Variants in TNFRSF14 observed in about 807,000 individuals in gnomAD.
The protein encoded by TNFRSF14 is tumor necrosis factor receptor superfamily member 14.
A neutral mutation model predicts 34.1 loss-of-function variants in TNFRSF14; 18 were observed. The observed-to-expected ratio is 0.53, with a 90% CI of 0.36 to 0.78. The LOEUF (loss-of-function observed/expected upper bound fraction) is 0.78, where lower values mean the gene tolerates loss of function less well. TNFRSF14 is among the 30% of genes least tolerant of loss of function. The probability of loss-of-function intolerance (pLI) is 0.00; values close to 1 mark genes in which losing one functional copy is unlikely to be tolerated. For synonymous variants in TNFRSF14, 157 were observed against 153.2 expected, an observed-to-expected ratio of 1.02 and a Z score of -0.18; for missense variants, 352 against 379.5, an observed-to-expected ratio of 0.93 and a Z score of 0.60.
intron 3 of TNFRSF14, chr1:2,558,874 C>T (rs1644260608): frequency 6.0e-6 from 8 of 1,334,780 alleles, no homozygotes; most frequent in East Asian, 3.5e-5. Context: ...GTCCCTTTCT[C>T]CTCCAGATAT....
chr1:2,562,941 C>T, intron 7 of TNFRSF14, 45 bp downstream of exon 7: 1 of 1,565,556 alleles, frequency 6.4e-7, no homozygotes, highest in Non-Finnish European at 8.8e-7. Flanking sequence ...CACCTTCCCA[C>T]CTCCCCTCTC....
intron 4 of TNFRSF14, 131 bp downstream of exon 4, chr1:2,560,109 C>T: frequency 7.6e-7 from 1 of 1,312,584 alleles, no homozygotes; most frequent in East Asian, 2.5e-5. Context: ...TTGGCCAGCC[C>T]CAGGCCCACC....
chr1:2,561,271 C>T lies in TNFRSF14; in HGVS notation c.552-402C>T, dbSNP rs2100858194. The T allele has an allele frequency of 1.9e-6, 1 of 519,576 alleles. No individual in the cohort carries two copies. The highest frequency in any genetic ancestry group is 1.9e-5 in the African/African-American group (1 of 52,566). The allele number at this position is 519,576 out of a possible 1,614,324, so 32.2% of individuals were successfully genotyped here. ...CTGCTCTGCCCTCCTCGTCCTCTGG[C>T]CCCAGCTCAGTCCTGTCCATCTCCA... On this transcript the variant is annotated intron_variant, in intron 5 of 7. Coordinates refer to ENST00000355716, the MANE Select transcript of TNFRSF14 (RefSeq NM_003820.4). This position sits in a 1 kb window ranked among gnomAD's most constrained non-coding sequence, Gnocchi z 6.0.
chr1:2,561,635 C>T lies in TNFRSF14; in HGVS notation c.552-38C>T, dbSNP rs1644309931. 2.5e-6 allele frequency: 4 copies of T among 1,610,872 alleles called. No homozygotes were observed. Among genetic ancestry groups the T allele is most frequent in the Non-Finnish European group, 3.4e-6 (4 of 1,178,900 alleles). ...GAGGCTGAGTGAACACTGGGCGCTG[C>T]ACCTGCCTCTCCCACGTCCTCGGCC... On this transcript the variant is annotated intron_variant, in intron 5 of 7. Coordinates refer to ENST00000355716, the MANE Select transcript of TNFRSF14 (RefSeq NM_003820.4). This position sits in a 1 kb window ranked among gnomAD's most constrained non-coding sequence, Gnocchi z 6.0.
At position 2,556,627 on chromosome 1, in the gene TNFRSF14, C is replaced by T. The variant is rs1352648954; in HGVS notation, c.-38C>T. ...AGTTCCTCTGCTGGAGTTCATCCTGCTAGCTGGGTTCCCGAGCTGCCGGTC... is the reference window on the plus strand; with the variant it reads ...AGTTCCTCTGCTGGAGTTCATCCTGTTAGCTGGGTTCCCGAGCTGCCGGTC... On this transcript the variant is annotated 5_prime_UTR_variant, in exon 1 of 8. Coordinates refer to ENST00000355716, the MANE Select transcript of TNFRSF14 (RefSeq NM_003820.4). 27 of 1,595,854 alleles carry T rather than the reference C, an allele frequency of 1.7e-5. No individual in the cohort carries two copies. In the South Asian group the frequency reaches 2.9e-4, roughly 17 times the overall value.
chr1:2,562,841 G>A, intron 6 of TNFRSF14, 24 bp from the exon 7 acceptor site: 1 of 1,613,968 alleles, frequency 6.2e-7, no homozygotes, highest in South Asian at 1.1e-5. Context: ...GCCCCTCCCT[G>A]ACCTGTGTGT....
In TNFRSF14 at chr1:2,559,934, G is replaced by A. The variant is rs766903122; in HGVS notation, c.416G>A (p.Arg139His). 3.8e-5 allele frequency: 61 copies of A among 1,597,378 alleles called. 1 individual carries two copies. The highest frequency in any genetic ancestry group is 1.7e-4 in the Middle Eastern group (1 of 6,060). The stretch of plus-strand genomic sequence containing the variant: ...GACGGGGACCACTGCGCCGCGTGCC[G>A]CGCTTACGCCACCTCCAGCCCGGGC... ...VQDGDHCAAC[R>H]AYATSSPGQR... is the part of the protein sequence containing the mutation. The change falls in exon 4 of 8, where the codon CGC (arginine) becomes CAC (histidine). Residue 139 changes from arginine (R) to histidine (H), a missense_variant. Arg to His is a conservative substitution (Grantham distance 29). Transcript: ENST00000355716.
intron 2 of TNFRSF14, 80 bp downstream of exon 2, chr1:2,557,914 T>C: frequency 8.4e-7 from 1 of 1,192,256 alleles, no homozygotes; most frequent in Non-Finnish European, 1.2e-6. Flanking sequence ...GACACCCCTG[T>C]GTTCTCTGCC....
At chr1:2,557,672 C>A in intron 1 of TNFRSF14, 54 bp from the exon 2 acceptor site, 3 of 1,377,342 alleles carry the variant, frequency 2.2e-6, no homozygotes, top group Admixed American at 2.3e-5. Flanking sequence ...CCAAGCCTGG[C>A]AGAGCCCACA....
chr1:2,556,610 T>C lies in TNFRSF14; in HGVS notation c.-55T>C, dbSNP rs1196415831. 4 of 1,547,654 alleles carry C rather than the reference T, an allele frequency of 2.6e-6. No individual in the cohort carries two copies. In the East Asian group the frequency reaches 9.2e-5, roughly 36 times the overall value. On this transcript the variant is annotated 5_prime_UTR_variant, in exon 1 of 8. Coordinates refer to ENST00000355716, the MANE Select transcript of TNFRSF14 (RefSeq NM_003820.4). ...CCGCAGCAATGGCGCTGAGTTCCTCTGCTGGAGTTCATCCTGCTAGCTGGG... is the reference window on the plus strand; with the variant it reads ...CCGCAGCAATGGCGCTGAGTTCCTCCGCTGGAGTTCATCCTGCTAGCTGGG...
chr1:2,556,190 G>A, upstream of TNFRSF14: 1 of 419,312 alleles, frequency 2.4e-6, no homozygotes, highest in South Asian at 2.0e-5. Context: ...AACCCACAGG[G>A]CCCCTTTATT....
intron 2 of TNFRSF14, 149 bp from the exon 3 acceptor site, chr1:2,558,194 G>A (rs1348365067): frequency 8.3e-7 from 1 of 1,211,082 alleles, no homozygotes; most frequent in African/African-American, 1.6e-5. Context: ...ATGGCTGATG[G>A]GGCTGCTGTG....
At position 2,561,720 on chromosome 1, in the gene TNFRSF14, A is replaced by C. The variant is rs2100860183; in HGVS notation, c.599A>C (p.His200Pro). The part of the protein sequence containing the change: ...TKAGAGTSSS[H>P]WVWWFLSGSL... ...GCCGGAGCTGGGACCAGCAGCTCCCACTGGGTATGGTGGTTTCTCTCAGGG... is the reference window on the plus strand; with the variant it reads ...GCCGGAGCTGGGACCAGCAGCTCCCCCTGGGTATGGTGGTTTCTCTCAGGG... The change falls in exon 6 of 8, where the codon CAC becomes CCC. Residue 200 changes from histidine (H) to proline (P), a missense_variant. Physicochemically the swap from His to Pro is moderately conservative, Grantham distance 77. Coordinates refer to ENST00000355716, the MANE Select transcript of TNFRSF14 (RefSeq NM_003820.4). This position sits in a 1 kb window ranked among gnomAD's most constrained non-coding sequence, Gnocchi z 6.0. 6.2e-7 allele frequency: 1 copy of C among 1,613,460 alleles called. No homozygotes were observed. The highest frequency in any genetic ancestry group is 8.5e-7 in the Non-Finnish European group (1 of 1,179,956).
In TNFRSF14 at chr1:2,557,737, C is replaced by T. The variant is rs766979470; in HGVS notation, c.81C>T (p.Leu27=). 6.2e-7 allele frequency: 1 copy of T among 1,608,598 alleles called. No homozygotes were observed. The highest frequency in any genetic ancestry group is 8.5e-7 in the Non-Finnish European group (1 of 1,177,450). The stretch of plus-strand genomic sequence containing the variant: ...CCTGACCCCCTTAGGTGCTGTATCT[C>T]ACCTTCCTGGGAGCCCCCTGCTACG... The part of the protein sequence containing the change: ...KTDVLRLVLY[L]TFLGAPCYAP... The change falls in exon 2 of 8, where the codon CTC becomes CTT. Residue 27 remains leucine (L), a synonymous_variant. Coordinates refer to ENST00000355716, the MANE Select transcript of TNFRSF14 (RefSeq NM_003820.4).
Position 2,556,695 on chromosome 1 carries a change from C to T in TNFRSF14, c.31C>T (p.Pro11Ser), listed in dbSNP as rs375570144. Residue 11 changes from proline (P) to serine (S), a missense_variant, in exon 1 of 8, where the codon CCC (proline) becomes TCC (serine). Coordinates refer to ENST00000355716, the MANE Select transcript of TNFRSF14 (RefSeq NM_003820.4). ...GCCTCCTGGAGACTGGGGGCCTCCT[C>T]CCTGGAGATCCACCCCCAAAACCGA... is the stretch of plus-strand genomic sequence containing the variant. MEPPGDWGPP[P>S]WRSTPKTDVL... 3.1e-6 allele frequency: 5 copies of T among 1,608,638 alleles called. No homozygotes were observed. The East Asian group carries it at 6.7e-5, about 22-fold the overall frequency.
At chr1:2,557,922 G>T in intron 2 of TNFRSF14, 88 bp downstream of exon 2, 1 of 1,105,274 alleles carries the variant, frequency 9.0e-7, no homozygotes, top group South Asian at 1.6e-5. Context: ...TGTGTTCTCT[G>T]CCCCCACAGC....
rs1477853260 is a variant in TNFRSF14 at position 2,559,889 on chromosome 1, G to A, written c.371G>A (p.Gly124Asp). The A allele has an allele frequency of 1.2e-6, 2 of 1,604,548 alleles. No homozygotes were observed. Among genetic ancestry groups the A allele is most frequent in the Admixed American group, 1.7e-5 (1 of 59,060 alleles). Residue 124 changes from glycine (G) to aspartate (D), a missense_variant, in exon 4 of 8, where the codon GGC (glycine) becomes GAC (aspartate). Coordinates refer to ENST00000355716, the MANE Select transcript of TNFRSF14 (RefSeq NM_003820.4). The stretch of plus-strand genomic sequence containing the variant: ...AACGCCGTGTGTGGCTGCAGCCCAG[G>A]CCACTTCTGCATCGTCCAGGACGGG... ...TENAVCGCSPGHFCIVQDGDH... is the reference protein window; with the variant it reads ...TENAVCGCSPDHFCIVQDGDH...
At position 2,562,834 on chromosome 1, in the gene TNFRSF14, C is replaced by T. The variant is rs17847981; in HGVS notation, c.695-31C>T. 1.5e-4 allele frequency: 243 copies of T among 1,613,930 alleles called. 4 individuals carry two copies. In the East Asian group the frequency reaches 5.2e-3, roughly 34 times the overall value. ...CTGTGTCCCCTGATCAGACACTGCC[C>T]CTCCCTGACCTGTGTGTCTGTGTAT... On this transcript the variant is annotated intron_variant, in intron 6 of 7. Transcript: ENST00000355716.
Position 2,556,433 on chromosome 1 carries a change from T to TC in TNFRSF14, c.-227dup. ...CTGCCTCCCGCAGGGCCCACCTGTG[T>TC]CCCCCAGCGCCGCTCCACCCAGCAG... is the stretch of plus-strand genomic sequence containing the variant. On this transcript the variant is annotated 5_prime_UTR_variant, in exon 1 of 8. Coordinates refer to ENST00000355716, the MANE Select transcript of TNFRSF14 (RefSeq NM_003820.4). 1.4e-6 allele frequency: 1 copy of TC among 696,060 alleles called. No individual in the cohort carries two copies. The highest frequency in any genetic ancestry group is 2.6e-6 in the Non-Finnish European group (1 of 381,492). The allele number at this position is 696,060 out of a possible 1,614,324, so 43.1% of individuals were successfully genotyped here.
Sources: gnomAD v4.1 joint callset for allele counts on GRCh38, gnomAD v4.1.1 for gene constraint, Gnocchi (gnomAD v3.1) non-coding constraint, MANE v1.5 for transcripts, NCBI Gene and HGNC (gene_info 2026-07-23, HGNC 2026-07-21) for gene names.